Variants in PRIM2 observed in about 807,000 individuals in gnomAD.
The protein encoded by PRIM2 is DNA primase large subunit.
A neutral mutation model predicts 67.3 loss-of-function variants in PRIM2; 39 were observed. The ratio of observed to expected loss-of-function variants is 0.58; its 90% CI spans 0.45 to 0.76. PRIM2 has a LOEUF of 0.76. Among genes scored for constraint, PRIM2 ranks in the 30% least tolerant of loss-of-function variants. The pLI, the probability that PRIM2 is intolerant of heterozygous loss-of-function variation, is 0.00. For missense variants in PRIM2, 398 were observed against 598.7 expected, an observed-to-expected ratio of 0.66 and a Z score of 3.50; for synonymous variants, 143 against 198.7, an observed-to-expected ratio of 0.72 and a Z score of 2.36.
chr6:57,367,940 G>A (rs1359048302), intron 5 of PRIM2, among the ~76,000 whole-genome samples: 3 of 152,212 alleles, frequency 2.0e-5, no homozygotes, highest in South Asian at 2.1e-4. Flanking sequence ...AGCTCTCAAC[G>A]GAGGATGTGT....
chr6:57,552,445 T>C (rs1330196085), intron 10 of PRIM2, among the ~76,000 whole-genome samples: 3 of 152,002 alleles, frequency 2.0e-5, no homozygotes, highest in African/African-American at 4.8e-5. Context: ...GTCTTAATCA[T>C]GCCTAGGCTC....
intron 11 of PRIM2, among the ~76,000 whole-genome samples, chr6:57,602,690 C>A (rs1366253466): frequency 6.6e-6 from 1 of 152,108 alleles, no homozygotes; most frequent in African/African-American, 2.4e-5. Context: ...AAATGCAAAA[C>A]TTTATTTCTG....
At chr6:57,240,098 T>TTTTGTTG in the PRIM2 span, among the ~76,000 whole-genome samples, 2 of 75,814 alleles carry the variant, frequency 2.6e-5, no homozygotes, top group African/African-American at 9.0e-5. Flanking sequence ...TCTGTTTTTT[T>TTTTGTTG]TTTTTTTTTT....
intron 12 of PRIM2, among the ~76,000 whole-genome samples, chr6:57,620,525 G>T (rs1318932495): frequency 6.6e-6 from 1 of 152,160 alleles, no homozygotes; most frequent in Non-Finnish European, 1.5e-5. Flanking sequence ...GAGAGAATTC[G>T]CCATTACTAA....
chr6:57,418,566 T>A (rs1227840346), intron 7 of PRIM2, among the ~76,000 whole-genome samples: 1 of 151,572 alleles, frequency 6.6e-6, no homozygotes, highest in Admixed American at 6.6e-5. Context: ...CCAGCTAATT[T>A]TTTTTTGATA....
chr6:57,561,967 G>T lies in PRIM2; in HGVS notation c.1020+24342G>T, dbSNP rs1171120053. On this transcript the variant is annotated intron_variant, in intron 10 of 13. Coordinates refer to ENST00000615550, the MANE Select transcript of PRIM2 (RefSeq NM_000947.5). ...ACTTGGTCAGAGTCCTTATTAATTG[G>T]CCTGATTTCAATATTTTTGTGTTTC... 1.4e-3 allele frequency among the ~76,000 whole-genome samples: 211 copies of T among 152,118 alleles called. 5 individuals carry two copies. In the East Asian group the frequency reaches 0.019, roughly 14 times the overall value.
intron 3 of PRIM2, among the ~76,000 whole-genome samples, chr6:57,322,401 A>G (rs1381107518): frequency 1.3e-5 from 2 of 152,150 alleles, no homozygotes; most frequent in African/African-American, 4.8e-5. Context: ...CTTGAATTGT[A>G]GTTCCCATAA....
chr6:57,572,445 C>T (rs1174723746), intron 10 of PRIM2, among the ~76,000 whole-genome samples: 1 of 152,150 alleles, frequency 6.6e-6, no homozygotes, highest in Non-Finnish European at 1.5e-5. Flanking sequence ...AGCTAAACAG[C>T]TTGCGCTTGT....
chr6:57,402,391 A>T (rs1045051439), intron 7 of PRIM2, among the ~76,000 whole-genome samples: 16 of 152,204 alleles, frequency 1.1e-4, no homozygotes, highest in Non-Finnish European at 1.9e-4. Context: ...TTGATGAGAC[A>T]TAACCCTGGT....
At chr6:57,511,952 A>T (rs1436561998) in intron 8 of PRIM2, among the ~76,000 whole-genome samples, 1 of 152,168 alleles carries the variant, frequency 6.6e-6, no homozygotes, top group African/African-American at 2.4e-5. Flanking sequence ...AATAAAGGGA[A>T]CGGTTGAGAT....
the PRIM2 span, among the ~76,000 whole-genome samples, chr6:57,296,328 T>TTA: frequency 1.9e-3 from 290 of 151,882 alleles, 1 homozygote; most frequent in South Asian, 8.1e-3. Flanking sequence ...TGCATCTACT[T>TTA]TATATATATA....
chr6:57,549,078 GA>G (rs1242332972), intron 10 of PRIM2, among the ~76,000 whole-genome samples: 2 of 152,126 alleles, frequency 1.3e-5, no homozygotes, highest in Non-Finnish European at 2.9e-5. Context: ...GTTTACTAAT[GA>G]AAAAACAGTA....
chr6:57,403,913 T>C (rs1327980036), intron 7 of PRIM2, among the ~76,000 whole-genome samples: 1 of 149,640 alleles, frequency 6.7e-6, no homozygotes, highest in African/African-American at 2.5e-5. Context: ...TTTGTCATCA[T>C]TTTGGAGGCT....
At chr6:57,239,578 C>A in the PRIM2 span, among the ~76,000 whole-genome samples, 1 of 151,992 alleles carries the variant, frequency 6.6e-6, no homozygotes, top group Non-Finnish European at 1.5e-5. Flanking sequence ...CCCATCTCTA[C>A]AAAAAATACA....
At chr6:57,389,153 G>GACGGC (rs1179257205) in intron 7 of PRIM2, among the ~76,000 whole-genome samples, 1 of 152,036 alleles carries the variant, frequency 6.6e-6, no homozygotes, top group Non-Finnish European at 1.5e-5. Context: ...CACCCAGGCT[G>GACGGC]GAGTGCAGTG....
At chr6:57,310,985 C>T (rs558674867), upstream of PRIM2, among the ~76,000 whole-genome samples, 34 of 144,190 alleles carry the variant, frequency 2.4e-4, no homozygotes, top group African/African-American at 7.5e-4. Context: ...GAAGGGCGGC[C>T]GGGCAGAGAC....
intron 7 of PRIM2, among the ~76,000 whole-genome samples, chr6:57,409,483 A>G (rs576496372): frequency 6.6e-6 from 1 of 151,986 alleles, no homozygotes; most frequent in African/African-American, 2.4e-5. Context: ...CTGGATAAAT[A>G]CTTTTAAGGA....
At position 57,549,731 on chromosome 6, in the gene PRIM2, A is replaced by G. The variant is rs1417732629; in HGVS notation, c.1020+12106A>G. On this transcript the variant is annotated intron_variant, in intron 10 of 13. Transcript: ENST00000615550. ...TTGCCTATGTTTTGGTTTTTCTTTC[A>G]AAGAAAAGCTTGTTTTGTTTGAATG... Among the ~76,000 whole-genome samples the G allele has an allele frequency of 4.9e-4, 74 of 152,332 alleles. 1 individual carries two copies. In the East Asian group the frequency reaches 0.014, roughly 28 times the overall value.
the PRIM2 span, among the ~76,000 whole-genome samples, chr6:57,308,841 T>C: frequency 6.6e-6 from 1 of 152,084 alleles, no homozygotes; most frequent in Non-Finnish European, 1.5e-5. Flanking sequence ...GTTCCCTTTC[T>C]CTTTTCTACT....
Sources: gnomAD v4.1 joint callset for allele counts (sites outside exome capture counted in the v4.1 genomes callset) on GRCh38, gnomAD v4.1.1 for gene constraint, MANE v1.5 for transcripts, NCBI Gene and HGNC (gene_info 2026-07-23, HGNC 2026-07-21) for gene names.